The following USP22 variants were observed in gnomAD, a reference collection of about 807,000 sequenced individuals.
The protein encoded by USP22 is ubiquitin carboxyl-terminal hydrolase 22.
In USP22, 22 loss-of-function variants were observed where a neutral mutation model predicts 68.1. That is an observed-to-expected ratio of 0.32 (90% CI 0.23 to 0.46). The LOEUF is 0.46. Among genes scored for constraint, USP22 ranks in the 20% least tolerant of loss-of-function variants. The pLI, the probability that USP22 is intolerant of heterozygous loss-of-function variation, is 1.00. For synonymous variants in USP22, 279 were observed against 274.2 expected (o/e 1.02, Z -0.17); for missense variants, 433 against 695.8 (o/e 0.62, Z 4.25).
intron 1 of USP22, among the ~76,000 whole-genome samples, chr17:21,040,220 T>C (rs1450448474): frequency 1.3e-5 from 2 of 152,174 alleles, no homozygotes; most frequent in Non-Finnish European, 2.9e-5. Context: ...AAACAAAATG[T>C]CCTAAGCTTA....
rs142567595 is a variant in USP22 at position 21,005,592 on chromosome 17, C to T, written c.1323-602G>A. Among the ~76,000 whole-genome samples, 129 of 152,278 alleles carry T rather than the reference C, an allele frequency of 8.5e-4. 1 individual carries two copies. In the Middle Eastern group the frequency reaches 0.02, roughly 24 times the overall value. On this transcript the variant is annotated intron_variant, in intron 10 of 12. Transcript: ENST00000261497. ...GTCACCTCCCTCAGTACGTGACCAT[C>T]GTGGTCAGACTGATGATATGGAGCT...
rs1273384892 is a variant in USP22 at position 21,000,085 on chromosome 17, G to C, written c.*2946C>G. On this transcript the variant is annotated 3_prime_UTR_variant, in exon 13 of 13. Coordinates refer to ENST00000261497, the MANE Select transcript of USP22 (RefSeq NM_015276.2). ...TGTGTCTTCCTGGGAGGCACTGAAAGGCCAGCCAGCATCTCCAAAATGCAG... is the reference window on the plus strand; with the variant it reads ...TGTGTCTTCCTGGGAGGCACTGAAACGCCAGCCAGCATCTCCAAAATGCAG... 1 of 152,226 alleles carries C rather than the reference G, an allele frequency of 6.6e-6. No homozygotes were observed. Among genetic ancestry groups the C allele is most frequent in the Non-Finnish European group, 1.5e-5 (1 of 68,042 alleles). The allele number at this position is 152,226 out of a possible 1,614,324, so 9.4% of individuals were successfully genotyped here. A position where few individuals can be genotyped will look rare whatever the true frequency, so the allele number is the denominator to read the frequency against.
At chr17:21,012,067 T>G (rs1201817584) in intron 7 of USP22, among the ~76,000 whole-genome samples, 3 of 152,092 alleles carry the variant, frequency 2.0e-5, no homozygotes, top group East Asian at 3.9e-4. Context: ...GAAGTGACAG[T>G]CCATTTCGGG....
chr17:21,003,804 G>A (rs1913678233), intron 12 of USP22, among the ~76,000 whole-genome samples: 1 of 151,762 alleles, frequency 6.6e-6, no homozygotes, highest in South Asian at 2.1e-4. Flanking sequence ...GGAGGCTGAG[G>A]CAGGAGACTG....
rs1417686511 is a variant in USP22, at chr17:21,002,124, GAC to G, written c.*905_*906del. On this transcript the variant is annotated 3_prime_UTR_variant, in exon 13 of 13. Transcript: ENST00000261497. ...CACTGCATTTACTCCAGACTGAGAT[GAC>G]AGACACACCGTATGAGCTGCAGCAC... 4 of 152,310 alleles carry G rather than the reference GAC, an allele frequency of 2.6e-5. No homozygotes were observed. Among genetic ancestry groups the G allele is most frequent in the Non-Finnish European group, 5.9e-5 (4 of 68,126 alleles). 9.4% of individuals were successfully genotyped at this position (152,310 alleles called of 1,614,324 possible). A position where few individuals can be genotyped will look rare whatever the true frequency, so the allele number is the denominator to read the frequency against.
intron 1 of USP22, among the ~76,000 whole-genome samples, chr17:21,040,231 C>T (rs1972409402): frequency 6.6e-6 from 1 of 152,192 alleles, no homozygotes; most frequent in East Asian, 1.9e-4. Flanking sequence ...CCTAAGCTTA[C>T]AGATCTGATG....
rs1038900595 is a variant in USP22 at position 21,001,480 on chromosome 17, C to T, written c.*1551G>A. ...TAAAAAAAAAATCTAAGTTTCTTGA[C>T]ACAGAACAATATATGTCATTCAGAT... On this transcript the variant is annotated 3_prime_UTR_variant, in exon 13 of 13. Coordinates refer to ENST00000261497, the MANE Select transcript of USP22 (RefSeq NM_015276.2). 6.6e-6 allele frequency: 1 copy of T among 152,178 alleles called. No homozygotes were observed. Among genetic ancestry groups the T allele is most frequent in the Non-Finnish European group, 1.5e-5 (1 of 68,046 alleles). 9.4% of individuals were successfully genotyped at this position (152,178 alleles called of 1,614,324 possible).
At position 20,999,844 on chromosome 17, in the gene USP22, A is replaced by G. The variant is rs1381566235; in HGVS notation, c.*3187T>C. 1 of 152,250 alleles carries G rather than the reference A, an allele frequency of 6.6e-6. No individual in the cohort carries two copies. The highest frequency in any genetic ancestry group is 1.5e-5 in the Non-Finnish European group (1 of 68,044). 9.4% of individuals were successfully genotyped at this position (152,250 alleles called of 1,614,324 possible). On this transcript the variant is annotated 3_prime_UTR_variant, in exon 13 of 13. Transcript: ENST00000261497. ...TTACACAATGAAGAGCATACACACC[A>G]AGCCAAAATACAATAGCACTCAGGT... is the stretch of plus-strand genomic sequence containing the variant.
At chr17:21,039,022 G>A (rs778739858) in intron 1 of USP22, among the ~76,000 whole-genome samples, 14 of 151,946 alleles carry the variant, frequency 9.2e-5, no homozygotes, top group Admixed American at 2.0e-4. Context: ...TGCGATCTCG[G>A]CTCACTGCAA....
chr17:21,012,215 G>C (rs145450389), intron 7 of USP22, among the ~76,000 whole-genome samples: 2 of 152,094 alleles, frequency 1.3e-5, no homozygotes, highest in Non-Finnish European at 2.9e-5. Flanking sequence ...TTGAGCCCAT[G>C]GGTTCAAGGC....
intron 9 of USP22, among the ~76,000 whole-genome samples, chr17:21,007,293 C>T (rs1355921829): frequency 6.6e-6 from 1 of 152,200 alleles, no homozygotes. Flanking sequence ...TGGCCCATGG[C>T]AGCAAAAATG....
At chr17:21,042,378 A>C in intron 1 of USP22, 1 of 155,634 alleles carries the variant, frequency 6.4e-6, no homozygotes. Context: ...GGGGACAGAG[A>C]GGAGGGGGAG....
Position 21,004,182 on chromosome 17 carries a change from TC to T in USP22, c.1535+19del, listed in dbSNP as rs766100589. 3 of 1,611,884 alleles carry T rather than the reference TC, an allele frequency of 1.9e-6. No individual in the cohort carries two copies. The African/African-American group carries it at 4.0e-5, about 22-fold the overall frequency. On this transcript the variant is annotated intron_variant, in intron 12 of 12. Coordinates refer to ENST00000261497, the MANE Select transcript of USP22 (RefSeq NM_015276.2). ...CACCGTAGCCACCGTAGGGCCTTCC[TC>T]CCACCCCACAGGACGCACCCTTCGC...
intron 7 of USP22, among the ~76,000 whole-genome samples, chr17:21,012,202 C>T (rs3785544): frequency 0.17 from 25,848 of 151,956 alleles, 2,765 homozygotes; most frequent in South Asian, 0.25. Flanking sequence ...GAGGGAGGAT[C>T]GCTTGAGCCC....
intron 1 of USP22, among the ~76,000 whole-genome samples, chr17:21,036,206 G>A (rs1160499468): frequency 6.6e-6 from 1 of 152,074 alleles, no homozygotes; most frequent in Non-Finnish European, 1.5e-5. Context: ...AGTGGTTGTG[G>A]AGAGTTAGAA....
At position 21,042,915 on chromosome 17, in the gene USP22, G is replaced by A. The variant is rs973539911; in HGVS notation, c.-80C>T. The A allele has an allele frequency of 1.7e-5, 17 of 1,013,616 alleles. No homozygotes were observed. Among genetic ancestry groups the A allele is most frequent in the Non-Finnish European group, 2.1e-5 (17 of 797,674 alleles). The allele number at this position is 1,013,616 out of a possible 1,614,324, so 62.8% of individuals were successfully genotyped here. ...CGCCAGCGCGGCGTGGGGGCTGCTC[G>A]GCGGCTGGCCAGGCTGGCCAAGGCC... is the stretch of plus-strand genomic sequence containing the variant. On this transcript the variant is annotated 5_prime_UTR_variant, in exon 1 of 13. Transcript: ENST00000261497.
intron 2 of USP22, among the ~76,000 whole-genome samples, chr17:21,022,052 A>G (rs1007860105): frequency 4.6e-5 from 7 of 152,172 alleles, no homozygotes; most frequent in African/African-American, 1.7e-4. Context: ...GTGTGCCAAG[A>G]TCTTGCCACT....
intron 5 of USP22, 134 bp downstream of exon 5, chr17:21,017,808 T>C: frequency 8.8e-7 from 1 of 1,134,602 alleles, no homozygotes; most frequent in Non-Finnish European, 1.2e-6. Flanking sequence ...ATAATAGACA[T>C]GTATATTAAA....
At chr17:21,020,437 T>C (rs7211094) in intron 3 of USP22, among the ~76,000 whole-genome samples, 113,468 of 152,008 alleles carry the variant, frequency 0.75, 42,821 homozygotes, top group South Asian at 0.82. Context: ...GCTCACAAGA[T>C]GGCAAGGATC....
Sources: allele counts gnomAD v4.1 joint callset (sites outside exome capture counted in the v4.1 genomes callset), GRCh38; gene constraint gnomAD v4.1.1; transcripts MANE v1.5; gene names NCBI Gene and HGNC (gene_info 2026-07-23, HGNC 2026-07-21).